KLHL4: variants seen among roughly 807,000 people sequenced by gnomAD.
The protein encoded by KLHL4 is kelch-like protein 4.
A neutral mutation model predicts 45.8 loss-of-function variants in KLHL4; 17 were observed. That is an observed-to-expected ratio of 0.37 (90% CI 0.25 to 0.56). The LOEUF is 0.56. Among genes scored for constraint, KLHL4 ranks in the 20% least tolerant of loss-of-function variants. The pLI is 0.79. For synonymous variants in KLHL4, 224 were observed against 189.9 expected (o/e 1.18, Z -1.47); for missense variants, 544 against 544.9 (o/e 1.00, Z 0.02).
intron 1 of KLHL4, among the ~76,000 whole-genome samples, chrX:87,605,745 C>T (rs1327312406): frequency 2.7e-5 from 3 of 111,114 alleles, no homozygotes; most frequent in Non-Finnish European, 5.7e-5. Context: ...ATTGGTCTGG[C>T]TAGGTCTTCC....
chrX:87,521,623 G>A (rs1286048501), intron 1 of KLHL4, among the ~76,000 whole-genome samples: 7 of 111,720 alleles, frequency 6.3e-5, no homozygotes, highest in Non-Finnish European at 1.3e-4. Context: ...TAATATTTGA[G>A]TAGATATTTA....
intron 1 of KLHL4, among the ~76,000 whole-genome samples, chrX:87,608,907 C>T (rs1010918401): frequency 5.4e-5 from 6 of 110,233 alleles, no homozygotes; most frequent in East Asian, 2.9e-4. Context: ...TGCTATCCCT[C>T]CCTGCTCCCC....
rs1013546923 is a variant in KLHL4, at chrX:87,668,034, C to T, written c.*1500C>T. ...ATACTTAAACACAAAAATAAAATTC[C>T]ACTCCTTTATTTCTTCTTACACCTG... On this transcript the variant is annotated 3_prime_UTR_variant, in exon 11 of 11. Transcript: ENST00000373119. 1.4e-5 allele frequency: 10 copies of T among 723,169 alleles called. No individual in the cohort carries two copies. The African/African-American group carries it at 2.1e-4, about 15-fold the overall frequency. 59.6% of individuals were successfully genotyped at this position (723,169 alleles called of 1,213,427 possible).
At chrX:87,653,218 GGT>G (rs1442314013) in intron 9 of KLHL4, among the ~76,000 whole-genome samples, 1 of 111,556 alleles carries the variant, frequency 9.0e-6, no homozygotes, top group Non-Finnish European at 1.9e-5. Flanking sequence ...TTTTGTATAA[GGT>G]GTAAGGAAGG....
At chrX:87,542,874 A>G (rs1008759965) in intron 1 of KLHL4, among the ~76,000 whole-genome samples, 5 of 111,627 alleles carry the variant, frequency 4.5e-5, no homozygotes, top group African/African-American at 1.3e-4. Context: ...AAGGAGCCAG[A>G]GGCAGAATGA....
chrX:87,565,730 A>G lies in KLHL4; in HGVS notation c.422+47415A>G, dbSNP rs1932196520. Among the ~76,000 whole-genome samples, 2 of 95,618 alleles carry G rather than the reference A, an allele frequency of 2.1e-5. 1 individual carries two copies. Among genetic ancestry groups the G allele is most frequent in the African/African-American group, 7.8e-5 (2 of 25,639 alleles). The allele number at this position is 95,618 out of a possible 115,157, so 83.0% of individuals were successfully genotyped here. ...AAAAAAAAAGGAAATGAATTAGGGG[A>G]CACTACTGCTGATCTTACAGATACA... On this transcript the variant is annotated intron_variant, in intron 1 of 10. Coordinates refer to ENST00000373119, the MANE Select transcript of KLHL4 (RefSeq NM_019117.5).
intron 4 of KLHL4, among the ~76,000 whole-genome samples, chrX:87,620,535 T>G (rs1922715413): frequency 9.0e-6 from 1 of 111,193 alleles, no homozygotes. Flanking sequence ...AATTGGAGAG[T>G]GGGTAAAAAG....
rs1460597412 is a variant in KLHL4 at position 87,622,439 on chromosome X, T to A, written c.1137+16T>A. ...CCCACCACAGGTATGGAAAATTACC[T>A]AGGTAATTTAAAATATAGTTCTGAA... On this transcript the variant is annotated intron_variant, in intron 5 of 10. Coordinates refer to ENST00000373119, the MANE Select transcript of KLHL4 (RefSeq NM_019117.5). The A allele has an allele frequency of 4.6e-6, 5 of 1,087,901 alleles. No homozygotes were observed. The African/African-American group carries it at 9.2e-5, about 20-fold the overall frequency. The allele number at this position is 1,087,901 out of a possible 1,213,427, so 89.7% of individuals were successfully genotyped here.
Position 87,587,811 on chromosome X carries a change from G to C in KLHL4, c.423-26066G>C, listed in dbSNP as rs537176577. On this transcript the variant is annotated intron_variant, in intron 1 of 10. Coordinates refer to ENST00000373119, the MANE Select transcript of KLHL4 (RefSeq NM_019117.5). ...CTTAAAGTCCTAGATAGACCAGTCA[G>C]ACAAGTAAAAGATGTAAAGGTCACC... Among the ~76,000 whole-genome samples, 35 of 110,950 alleles carry C rather than the reference G, an allele frequency of 3.2e-4. No homozygotes were observed. In the South Asian group the frequency reaches 8.3e-3, roughly 26 times the overall value.
chrX:87,627,936 G>A (rs1244491220), intron 6 of KLHL4, among the ~76,000 whole-genome samples: 1 of 110,520 alleles, frequency 9.0e-6, no homozygotes, highest in Non-Finnish European at 1.9e-5. Flanking sequence ...ATGTTTATAA[G>A]TATCTATAAC....
intron 6 of KLHL4, among the ~76,000 whole-genome samples, chrX:87,628,871 T>A (rs1602452626): frequency 8.9e-6 from 1 of 112,150 alleles, no homozygotes; most frequent in African/African-American, 3.2e-5. Flanking sequence ...ACTCCTACAA[T>A]GTATTTGAAA....
At chrX:87,616,141 T>G (rs1774402812) in intron 3 of KLHL4, among the ~76,000 whole-genome samples, 1 of 111,160 alleles carries the variant, frequency 9.0e-6, no homozygotes, top group Non-Finnish European at 1.9e-5. Context: ...AAGTAAAACC[T>G]GTGTGGTAAC....
At chrX:87,637,548 G>A (rs941534326) in intron 9 of KLHL4, among the ~76,000 whole-genome samples, 3 of 111,379 alleles carry the variant, frequency 2.7e-5, no homozygotes, top group Non-Finnish European at 5.7e-5. Context: ...AGGAGGTACG[G>A]GAGAATGGTG....
At chrX:87,658,782 C>T (rs934425045) in intron 9 of KLHL4, among the ~76,000 whole-genome samples, 2 of 110,953 alleles carry the variant, frequency 1.8e-5, no homozygotes, top group African/African-American at 6.6e-5. Flanking sequence ...GGCATGCCAG[C>T]AAAGCCCCTA....
At chrX:87,583,953 G>A (rs1314455235) in intron 1 of KLHL4, among the ~76,000 whole-genome samples, 1 of 111,679 alleles carries the variant, frequency 9.0e-6, no homozygotes, top group East Asian at 2.8e-4. Flanking sequence ...GCACATAGTG[G>A]TGGTGGTAAC....
At chrX:87,595,693 T>A (rs1390436348) in intron 1 of KLHL4, among the ~76,000 whole-genome samples, 1 of 111,207 alleles carries the variant, frequency 9.0e-6, no homozygotes, top group Non-Finnish European at 1.9e-5. Flanking sequence ...GAAAAATGAG[T>A]GCCCTTTGAA....
intron 1 of KLHL4, among the ~76,000 whole-genome samples, chrX:87,559,257 T>C (rs1602416616): frequency 1.8e-5 from 2 of 112,215 alleles, no homozygotes; most frequent in Middle Eastern, 4.6e-3. Flanking sequence ...TCACAAACCC[T>C]ACACAATGGA....
intron 1 of KLHL4, among the ~76,000 whole-genome samples, chrX:87,591,704 T>C (rs749365538): frequency 8.9e-6 from 1 of 111,891 alleles, no homozygotes; most frequent in Non-Finnish European, 1.9e-5. Flanking sequence ...TAAGGACTTA[T>C]TAATTTAACA....
At chrX:87,608,237 C>A (rs1482612628) in intron 1 of KLHL4, among the ~76,000 whole-genome samples, 1 of 112,119 alleles carries the variant, frequency 8.9e-6, no homozygotes, top group Non-Finnish European at 1.9e-5. Flanking sequence ...CTACAATACA[C>A]TTGTAATTCT....
Sources: allele counts gnomAD v4.1 joint callset (sites outside exome capture counted in the v4.1 genomes callset), GRCh38; gene constraint gnomAD v4.1.1; transcripts MANE v1.5; gene names NCBI Gene and HGNC (gene_info 2026-07-23, HGNC 2026-07-21).